Variants in EXOC6B observed in about 807,000 individuals in gnomAD.
EXOC6B encodes SEC15 homolog B.
EXOC6B carries 54 observed loss-of-function variants against 113.5 expected under a neutral mutation model. The observed-to-expected ratio is 0.48, with a 90% confidence interval of 0.38 to 0.60. The LOEUF is 0.60. EXOC6B is among the 20% of genes least tolerant of loss of function. The pLI is 0.00. For missense variants in EXOC6B, 797 were observed against 977.5 expected, an observed-to-expected ratio of 0.82 and a Z score of 2.46; for synonymous variants, 357 against 339.0, an observed-to-expected ratio of 1.05 and a Z score of -0.58.
chr2:72,607,424 A>G (rs1448143039), intron 6 of EXOC6B, among the ~76,000 whole-genome samples: 1 of 152,184 alleles, frequency 6.6e-6, no homozygotes, highest in Non-Finnish European at 1.5e-5. Context: ...TTCTTTATAC[A>G]TTATACAGTC....
chr2:72,238,749 A>G (rs1682120989), intron 20 of EXOC6B, among the ~76,000 whole-genome samples: 1 of 152,136 alleles, frequency 6.6e-6, no homozygotes, highest in Admixed American at 6.5e-5. Context: ...AAATTATGCT[A>G]TCTTTTTATT....
intron 18 of EXOC6B, among the ~76,000 whole-genome samples, chr2:72,401,558 TATATATAC>T (rs1186735434): frequency 2.8e-5 from 1 of 36,330 alleles, no homozygotes; most frequent in Admixed American, 4.4e-4. Context: ...TATATATATA[TATATATAC>T]ATATATATAT....
intron 6 of EXOC6B, among the ~76,000 whole-genome samples, chr2:72,657,018 A>C (rs931585426): frequency 1.3e-5 from 2 of 151,350 alleles, no homozygotes; most frequent in Non-Finnish European, 2.9e-5. Flanking sequence ...TGCCCAGCTA[A>C]TTTTGTATTT....
At chr2:72,619,509 G>A (rs1246215494) in intron 6 of EXOC6B, among the ~76,000 whole-genome samples, 1 of 152,086 alleles carries the variant, frequency 6.6e-6, no homozygotes, top group East Asian at 1.9e-4. Flanking sequence ...AAAAGAATGA[G>A]GAGGAGGGAG....
chr2:72,823,673 T>C (rs991910736), intron 1 of EXOC6B, among the ~76,000 whole-genome samples: 4 of 151,416 alleles, frequency 2.6e-5, no homozygotes, highest in Non-Finnish European at 5.9e-5. Context: ...TAGTCCCAAC[T>C]ACTCAGGAGG....
chr2:72,517,163 T>A (rs756804175), intron 8 of EXOC6B, among the ~76,000 whole-genome samples: 62 of 152,312 alleles, frequency 4.1e-4, no homozygotes, highest in Admixed American at 2.7e-3. Flanking sequence ...ATTCTGCTGG[T>A]GTAGTGCAAA....
At chr2:72,546,365 C>T (rs114906093) in intron 8 of EXOC6B, among the ~76,000 whole-genome samples, 3 of 152,098 alleles carry the variant, frequency 2.0e-5, no homozygotes, top group Non-Finnish European at 4.4e-5. Flanking sequence ...AGGAGAATCG[C>T]TTGAAATCAG....
chr2:72,419,138 A>G (rs1486358274), intron 18 of EXOC6B, among the ~76,000 whole-genome samples: 1 of 152,172 alleles, frequency 6.6e-6, no homozygotes, highest in Non-Finnish European at 1.5e-5. Context: ...CTGTCAACAA[A>G]TTTACAAATT....
intron 20 of EXOC6B, among the ~76,000 whole-genome samples, chr2:72,262,370 G>A (rs1366425421): frequency 6.6e-6 from 1 of 151,982 alleles, no homozygotes; most frequent in Non-Finnish European, 1.5e-5. Flanking sequence ...CTATAGCCCA[G>A]ACAGGTTCCC....
At chr2:72,288,502 A>G (rs1160236311) in intron 20 of EXOC6B, among the ~76,000 whole-genome samples, 2 of 152,202 alleles carry the variant, frequency 1.3e-5, no homozygotes, top group Non-Finnish European at 2.9e-5. Context: ...ATAGTCATAT[A>G]ATATAATACT....
intron 20 of EXOC6B, among the ~76,000 whole-genome samples, chr2:72,212,313 C>A (rs1330010995): frequency 1.3e-5 from 2 of 152,278 alleles, no homozygotes; most frequent in East Asian, 3.9e-4. Context: ...TGGGGCAGGG[C>A]AGGCTGTTTT....
At chr2:72,728,635 C>T (rs1026187530) in intron 5 of EXOC6B, among the ~76,000 whole-genome samples, 3 of 152,064 alleles carry the variant, frequency 2.0e-5, no homozygotes, top group Non-Finnish European at 4.4e-5. Flanking sequence ...CTTGGAGTTG[C>T]CATTTTTCAA....
At chr2:72,528,647 T>C (rs551744327) in intron 8 of EXOC6B, among the ~76,000 whole-genome samples, 1 of 152,220 alleles carries the variant, frequency 6.6e-6, no homozygotes, top group East Asian at 1.9e-4. Context: ...ATCTTTACTG[T>C]GTTAAGTCTT....
At chr2:72,207,112 T>C (rs1039778936) in intron 20 of EXOC6B, among the ~76,000 whole-genome samples, 3 of 152,200 alleles carry the variant, frequency 2.0e-5, no homozygotes, top group Non-Finnish European at 4.4e-5. Flanking sequence ...TGTAAATACA[T>C]ATAGATAAAT....
chr2:72,771,400 T>A (rs1683397421), intron 1 of EXOC6B, among the ~76,000 whole-genome samples: 1 of 152,206 alleles, frequency 6.6e-6, no homozygotes, highest in Admixed American at 6.5e-5. Context: ...GCTTCATATA[T>A]CATGCCTGTA....
chr2:72,494,825 T>C (rs201059659), intron 15 of EXOC6B, among the ~76,000 whole-genome samples: 1 of 152,132 alleles, frequency 6.6e-6, no homozygotes, highest in Admixed American at 6.6e-5. Flanking sequence ...AAGCAGCATC[T>C]GACAAATAAT....
At chr2:72,206,609 T>C (rs151313925) in intron 20 of EXOC6B, among the ~76,000 whole-genome samples, 1 of 152,214 alleles carries the variant, frequency 6.6e-6, no homozygotes, top group African/African-American at 2.4e-5. Context: ...AAGTGTTTTA[T>C]GCTTATATCT....
intron 6 of EXOC6B, among the ~76,000 whole-genome samples, chr2:72,646,750 GC>G (rs768759817): frequency 6.6e-6 from 1 of 152,002 alleles, no homozygotes; most frequent in African/African-American, 2.4e-5. Flanking sequence ...AAATTCAACA[GC>G]CCTTTATGAT....
chr2:72,566,933 A>G (rs1704212905), intron 7 of EXOC6B, among the ~76,000 whole-genome samples: 1 of 152,106 alleles, frequency 6.6e-6, no homozygotes, highest in Non-Finnish European at 1.5e-5. Flanking sequence ...TATATGTATT[A>G]TGCTATTAAT....
Sources: gnomAD v4.1 joint callset for allele counts (sites outside exome capture counted in the v4.1 genomes callset) on GRCh38, gnomAD v4.1.1 for gene constraint, MANE v1.5 for transcripts, NCBI Gene and HGNC (gene_info 2026-07-23, HGNC 2026-07-21) for gene names.